Variants in LRRC37A3 observed in about 807,000 individuals in gnomAD.
The protein encoded by LRRC37A3 is leucine rich repeat containing 37 member A3, also known as leucine-rich repeat-containing protein 37A3.
A neutral mutation model predicts 106.2 loss-of-function variants in LRRC37A3; 25 were observed. That is an observed-to-expected ratio of 0.24 (90% CI 0.17 to 0.33). LRRC37A3 has a LOEUF of 0.33. Among genes scored for constraint, LRRC37A3 ranks in the 10% least tolerant of loss-of-function variants. The probability of loss-of-function intolerance (pLI) is 1.00; values close to 1 mark genes in which losing one functional copy is unlikely to be tolerated. For synonymous variants in LRRC37A3, 305 were observed against 635.8 expected (o/e 0.48, Z 7.83); for missense variants, 712 against 1,644.9 (o/e 0.43, Z 9.81).
intron 8 of LRRC37A3, among the ~76,000 whole-genome samples, chr17:64,869,810 G>A (rs1203709808): frequency 6.6e-5 from 10 of 151,824 alleles, no homozygotes; most frequent in Admixed American, 5.3e-4. Flanking sequence ...CAAACTGATA[G>A]GATTACTGGC....
intron 2 of LRRC37A3, among the ~76,000 whole-genome samples, chr17:64,910,637 C>CCT (rs1974568647): frequency 3.1e-5 from 3 of 96,478 alleles, no homozygotes; most frequent in African/African-American, 1.3e-4. Flanking sequence ...ATTGTCCCCC[C>CCT]TTTTTTTTTT....
At chr17:64,855,792 A>G (rs1446693936) in intron 14 of LRRC37A3, 48 bp downstream of exon 14, 1 of 1,609,004 alleles carries the variant, frequency 6.2e-7, no homozygotes, top group African/African-American at 1.3e-5. Flanking sequence ...CAAGAGGGAA[A>G]CTCCGTCTCA....
chr17:64,916,107 T>A lies in LRRC37A3; in HGVS notation c.-496+2643A>T, dbSNP rs189647341. On this transcript the variant is annotated intron_variant, in intron 2 of 14. Transcript: ENST00000584306. ...GCGTGGGTGAAAGAACGAGACTCTG[T>A]CTAAAAAAATAAAAGAAGCCTGGCG... is the stretch of plus-strand genomic sequence containing the variant. Among the ~76,000 whole-genome samples the A allele has an allele frequency of 2.5e-4, 36 of 144,068 alleles. No individual in the cohort carries two copies. In the East Asian group the frequency reaches 7.3e-3, roughly 29 times the overall value. 94.5% of individuals were successfully genotyped at this position (144,068 alleles called of 152,430 possible). A position where few individuals can be genotyped will look rare whatever the true frequency, so the allele number is the denominator to read the frequency against.
At chr17:64,868,325 T>C in intron 10 of LRRC37A3, 137 bp downstream of exon 10, 1 of 626,826 alleles carries the variant, frequency 1.6e-6, no homozygotes, top group South Asian at 2.0e-5. Context: ...TTTGTCAGAC[T>C]CATCAAACTG....
intron 10 of LRRC37A3, among the ~76,000 whole-genome samples, chr17:64,868,246 G>C (rs1297305014): frequency 1.3e-5 from 2 of 152,182 alleles, no homozygotes; most frequent in Non-Finnish European, 2.9e-5. Flanking sequence ...CAAAGGGACA[G>C]GAGGGGCCTT....
intron 8 of LRRC37A3, among the ~76,000 whole-genome samples, chr17:64,872,763 C>A (rs1973365422): frequency 6.6e-6 from 1 of 152,100 alleles, no homozygotes; most frequent in Non-Finnish European, 1.5e-5. Context: ...ATATTCCTGG[C>A]AATTTGGAAT....
At chr17:64,909,367 T>C (rs1474649956) in intron 2 of LRRC37A3, among the ~76,000 whole-genome samples, 1 of 152,248 alleles carries the variant, frequency 6.6e-6, no homozygotes, top group African/African-American at 2.4e-5. Flanking sequence ...CCAGGCCTAC[T>C]AAATCAGGAT....
At position 64,918,695 on chromosome 17, in the gene LRRC37A3, T is replaced by C. The variant is rs116321952; in HGVS notation, c.-496+55A>G. 6.7e-3 allele frequency: 2,141 copies of C among 317,836 alleles called. 42 individuals carry two copies. Among genetic ancestry groups the C allele is most frequent in the African/African-American group, 0.045 (1,987 of 44,292 alleles). 19.7% of individuals were successfully genotyped at this position (317,836 alleles called of 1,614,324 possible). ...TAAGATATCATGGCATAAGTGAAAA[T>C]ATTTAACAAATAAATTATACTTCAT... On this transcript the variant is annotated intron_variant, in intron 2 of 14. Transcript: ENST00000584306.
At chr17:64,914,310 T>G (rs1370168252) in intron 2 of LRRC37A3, among the ~76,000 whole-genome samples, 1 of 152,182 alleles carries the variant, frequency 6.6e-6, no homozygotes, top group Non-Finnish European at 1.5e-5. Flanking sequence ...TGTAGTCCCA[T>G]CACTTTGGGA....
intron 2 of LRRC37A3, chr17:64,900,049 T>TC (rs1974265306): frequency 2.7e-5 from 4 of 146,908 alleles, no homozygotes; most frequent in Non-Finnish European, 5.9e-5. Context: ...TTTTTTTTTT[T>TC]CCTCGAGAGA....
rs150388379 is a variant in LRRC37A3 at position 64,896,781 on chromosome 17, G to A, written c.477C>T (p.Ser159=). ...KLKKDPAQRW[S]LAEIIGIIHQ... ...GTATAATTCCAATAATCTCAGCAAGGCTCCAACGCTGAGCTGGATCTTTCT... is the reference window on the plus strand; with the variant it reads ...GTATAATTCCAATAATCTCAGCAAGACTCCAACGCTGAGCTGGATCTTTCT... The change falls in exon 4 of 15, where the codon AGC becomes AGT. Residue 159 remains serine (S), a synonymous_variant. Coordinates refer to ENST00000584306, the MANE Select transcript of LRRC37A3 (RefSeq NM_199340.5). 5 of 1,608,244 alleles carry A rather than the reference G, an allele frequency of 3.1e-6. No individual in the cohort carries two copies. In the South Asian group the frequency reaches 5.5e-5, roughly 18 times the overall value.
At chr17:64,878,754 G>A (rs1973594619) in intron 8 of LRRC37A3, among the ~76,000 whole-genome samples, 1 of 152,208 alleles carries the variant, frequency 6.6e-6, no homozygotes. Flanking sequence ...AGCAGCCACT[G>A]TGGAAATCAG....
At chr17:64,868,732 C>CTT (rs368133732) in intron 9 of LRRC37A3, among the ~76,000 whole-genome samples, 196 bp from the exon 10 acceptor site, 25 of 139,202 alleles carry the variant, frequency 1.8e-4, no homozygotes, top group African/African-American at 5.5e-4. Flanking sequence ...AGAACTTACA[C>CTT]TTTTTTTTTT....
intron 11 of LRRC37A3, among the ~76,000 whole-genome samples, chr17:64,861,688 G>A (rs1237305175): frequency 2.0e-5 from 3 of 152,292 alleles, no homozygotes; most frequent in Admixed American, 6.5e-5. Flanking sequence ...TAAATACACA[G>A]TGAATCTCTG....
rs575792028 is a variant in LRRC37A3 at position 64,866,268 on chromosome 17, C to T, written c.3053+2194G>A. On this transcript the variant is annotated intron_variant, in intron 10 of 14. Coordinates refer to ENST00000584306, the MANE Select transcript of LRRC37A3 (RefSeq NM_199340.5). ...TCCAGAGAGGAAGGGATCCAGCTGA[C>T]GGGGAAGATGCTACAGGAGGCTGAG... is the stretch of plus-strand genomic sequence containing the variant. 3.4e-3 allele frequency among the ~76,000 whole-genome samples: 514 copies of T among 151,868 alleles called. 5 individuals are homozygous for T. The highest frequency in any genetic ancestry group is 0.012 in the African/African-American group (487 of 41,382).
chr17:64,882,688 C>A (rs1299472796), intron 8 of LRRC37A3, among the ~76,000 whole-genome samples: 1 of 150,670 alleles, frequency 6.6e-6, no homozygotes, highest in African/African-American at 2.4e-5. Flanking sequence ...TGTTTGTGAC[C>A]GAAGCTCAAT....
At chr17:64,908,893 CCT>C (rs1974522527) in intron 2 of LRRC37A3, among the ~76,000 whole-genome samples, 1 of 121,450 alleles carries the variant, frequency 8.2e-6, no homozygotes, top group African/African-American at 7.9e-5. Context: ...GGATACTCTG[CCT>C]CTCTAAAAAT....
chr17:64,919,408 A>T (rs1267058437), intron 1 of LRRC37A3, 23 bp downstream of exon 1: 1 of 446,532 alleles, frequency 2.2e-6, no homozygotes, highest in East Asian at 4.2e-5. Flanking sequence ...GAGAAGGCTC[A>T]ATCCGAATGG....
At chr17:64,916,012 G>T (rs538326813) in intron 2 of LRRC37A3, among the ~76,000 whole-genome samples, 21 of 152,288 alleles carry the variant, frequency 1.4e-4, no homozygotes, top group Admixed American at 7.2e-4. Flanking sequence ...GTGGTGGGAG[G>T]ATCACCTTGA....
Sources: gnomAD v4.1 joint callset for allele counts (sites outside exome capture counted in the v4.1 genomes callset) on GRCh38, gnomAD v4.1.1 for gene constraint, MANE v1.5 for transcripts, NCBI Gene and HGNC (gene_info 2026-07-23, HGNC 2026-07-21) for gene names.